Variants in ANKRD30A observed in about 807,000 individuals in gnomAD.
ANKRD30A encodes ankyrin repeat domain 30A.
ANKRD30A carries 170 observed loss-of-function variants against 166.3 expected under a neutral mutation model. That is an observed-to-expected ratio of 1.02 (90% CI 0.90 to 1.16). ANKRD30A has a LOEUF of 1.16. Among genes scored for constraint, ANKRD30A ranks in the 50% most tolerant of loss-of-function variants. The pLI is 0.00. For missense variants in ANKRD30A, 1,630 were observed against 1,518.0 expected (o/e 1.07, Z -1.23); for synonymous variants, 564 against 508.9 (o/e 1.11, Z -1.46).
chr10:37,219,267 A>G lies in ANKRD30A; in HGVS notation c.3555A>G (p.Lys1185=). ...NTMLTSKLKE[K]QDKEILEAEI... ...TGCTCACTTCTAAATTGAAGGAAAA[A>G]CAAGACAAAGAAATACTAGAGGCAG... Residue 1185 remains lysine (K), a synonymous_variant, in exon 34 of 36, where the codon AAA becomes AAG. Transcript: ENST00000361713. The G allele has an allele frequency of 1.2e-6, 2 of 1,610,618 alleles. No individual in the cohort carries two copies. The highest frequency in any genetic ancestry group is 8.5e-7 in the Non-Finnish European group (1 of 1,177,662).
chr10:37,224,058 G>A (rs1843012618), intron 34 of ANKRD30A, among the ~76,000 whole-genome samples: 1 of 151,160 alleles, frequency 6.6e-6, no homozygotes, highest in African/African-American at 2.4e-5. Context: ...CTATTTTAAT[G>A]TTTTTTCAGA....
At chr10:37,155,637 T>C (rs1838311461) in intron 13 of ANKRD30A, among the ~76,000 whole-genome samples, 1 of 152,222 alleles carries the variant, frequency 6.6e-6, no homozygotes, top group South Asian at 2.1e-4. Flanking sequence ...GCTCCTGTGA[T>C]TCCAGATCAG....
chr10:37,179,302 T>C (rs1216702728), intron 24 of ANKRD30A, among the ~76,000 whole-genome samples: 2 of 150,806 alleles, frequency 1.3e-5, no homozygotes, highest in African/African-American at 4.8e-5. Context: ...TTACTGATTT[T>C]AACGTAGAAA....
intron 6 of ANKRD30A, among the ~76,000 whole-genome samples, chr10:37,141,366 G>T (rs775258202): frequency 1.3e-5 from 2 of 152,026 alleles, no homozygotes; most frequent in Non-Finnish European, 2.9e-5. Context: ...GAGCTCAGGA[G>T]TTTGAGACCA....
downstream of ANKRD30A, chr10:37,232,697 T>TATATATAGAGAGAGAGAG (rs1273812991): frequency 1.3e-5 from 1 of 78,400 alleles, no homozygotes; most frequent in African/African-American, 4.9e-5. Context: ...TATATATAAA[T>TATATATAGAGAGAGAGAG]AGAGAGAGAG....
chr10:37,153,884 T>C (rs531562001), intron 13 of ANKRD30A, among the ~76,000 whole-genome samples: 79 of 152,210 alleles, frequency 5.2e-4, no homozygotes, highest in African/African-American at 1.9e-3. Context: ...ATTCAAGATA[T>C]TGCAAGACCT....
chr10:37,194,052 C>T (rs912855243), intron 27 of ANKRD30A, among the ~76,000 whole-genome samples: 3 of 151,974 alleles, frequency 2.0e-5, no homozygotes, highest in Admixed American at 6.6e-5. Flanking sequence ...AAAAAGTAGC[C>T]GGTTGTGGTG....
chr10:37,125,800 T>C lies in ANKRD30A; in HGVS notation c.13T>C (p.Ser5Pro). The C allele has an allele frequency of 1.4e-6, 1 of 711,702 alleles. No homozygotes were observed. The highest frequency in any genetic ancestry group is 2.4e-6 in the Non-Finnish European group (1 of 418,912). 44.1% of individuals were successfully genotyped at this position (711,702 alleles called of 1,614,324 possible). The change falls in exon 1 of 36, where the codon TCT becomes CCT. Residue 5 changes from serine to proline, a missense_variant. This residue lies in a region of ANKRD30A where 904 missense variants were observed against 818.5 expected (regional missense o/e 1.10). Coordinates refer to ENST00000361713, the MANE Select transcript of ANKRD30A (RefSeq NM_052997.3). ...GGTGGCCGCAGCCATGGAGGAGATC[T>C]CTGCCGCCGCTGTCAAGGTCGTGCC... MEEI[S>P]AAAVKVVPGP... is the part of the protein sequence containing the mutation.
In ANKRD30A at chr10:37,136,831, G is replaced by A. The variant is rs61866719; in HGVS notation, c.820+160G>A. Reference sequence around the variant, plus strand: ...TGTGTGTATGTGTGTGTGTGTGTGTGTATATATATATATATATATAGCTTT... The same window carrying A: ...TGTGTGTATGTGTGTGTGTGTGTGTATATATATATATATATATATAGCTTT... On this transcript the variant is annotated intron_variant, in intron 6 of 35. Transcript: ENST00000361713. Among the ~76,000 whole-genome samples the A allele has an allele frequency of 2.3e-3, 328 of 141,972 alleles. 3 individuals are homozygous for A. The highest frequency in any genetic ancestry group is 0.011 in the East Asian group (54 of 4,748). 93.1% of individuals were successfully genotyped at this position (141,972 alleles called of 152,430 possible).
rs11011070 is a variant in ANKRD30A at position 37,222,731 on chromosome 10, T to C, written c.4185+2834T>C. Among the ~76,000 whole-genome samples the C allele has an allele frequency of 2.6e-5, 4 of 151,554 alleles. No individual in the cohort carries two copies. The East Asian group carries it at 7.8e-4, about 30-fold the overall frequency. On this transcript the variant is annotated intron_variant, in intron 34 of 35. Transcript: ENST00000361713. ...TCATTCAGACTTGGTGGACACATTT[T>C]CCATTTTCATAAAGCTTTCTCTGAC...
At chr10:37,200,419 C>A (rs1413410575) in intron 30 of ANKRD30A, among the ~76,000 whole-genome samples, 1 of 151,988 alleles carries the variant, frequency 6.6e-6, no homozygotes, top group Non-Finnish European at 1.5e-5. Context: ...AGTCAAGCTG[C>A]AGCAGCATGA....
At chr10:37,126,155 G>A (rs562637881) in intron 1 of ANKRD30A, 147 bp downstream of exon 1, 6 of 837,044 alleles carry the variant, frequency 7.2e-6, no homozygotes, top group Admixed American at 2.6e-5. Flanking sequence ...CTGGGCCCTC[G>A]GGTCTAGGCC....
chr10:37,168,074 T>C (rs1333737765), intron 19 of ANKRD30A, among the ~76,000 whole-genome samples: 1 of 24,116 alleles, frequency 4.1e-5, no homozygotes, highest in East Asian at 7.2e-4. Context: ...TTAACACTTT[T>C]TGCAAAAATC....
Position 37,220,572 on chromosome 10 carries a change from G to A in ANKRD30A, c.4185+675G>A, listed in dbSNP as rs559303302. Among the ~76,000 whole-genome samples the A allele has an allele frequency of 3.6e-4, 54 of 151,030 alleles. 1 individual carries two copies. The South Asian group carries it at 7.3e-3, about 20-fold the overall frequency. On this transcript the variant is annotated intron_variant, in intron 34 of 35. Transcript: ENST00000361713. ...TGTGTTTTATTAAATAATACCTTAG[G>A]ACAAATGTAGTGAATTTTAGCAATA...
chr10:37,196,765 T>C (rs1424617449), intron 27 of ANKRD30A, among the ~76,000 whole-genome samples: 2 of 152,126 alleles, frequency 1.3e-5, no homozygotes, highest in East Asian at 3.9e-4. Flanking sequence ...GATTACACCC[T>C]ATGGTTATGG....
chr10:37,155,162 C>T (rs1434588140), intron 13 of ANKRD30A, among the ~76,000 whole-genome samples: 2 of 152,040 alleles, frequency 1.3e-5, no homozygotes, highest in African/African-American at 4.8e-5. Flanking sequence ...CTGATTTTAA[C>T]ATAGAAAATG....
At chr10:37,215,727 A>G (rs558630991) in intron 31 of ANKRD30A, among the ~76,000 whole-genome samples, 4 of 151,680 alleles carry the variant, frequency 2.6e-5, no homozygotes, top group African/African-American at 7.2e-5. Context: ...ATTTTAGCTA[A>G]GAAGAAAAAT....
At chr10:37,165,797 G>T (rs1192248619) in intron 18 of ANKRD30A, among the ~76,000 whole-genome samples, 1 of 152,122 alleles carries the variant, frequency 6.6e-6, no homozygotes, top group African/African-American at 2.4e-5. Flanking sequence ...AGCAGCATGA[G>T]CGTCAAATCA....
At chr10:37,183,121 A>T (rs1840145313) in intron 24 of ANKRD30A, among the ~76,000 whole-genome samples, 1 of 149,352 alleles carries the variant, frequency 6.7e-6, no homozygotes, top group African/African-American at 2.5e-5. Flanking sequence ...CTTTTACTGA[A>T]GTGGGAGTAT....
Sources: allele counts gnomAD v4.1 joint callset (sites outside exome capture counted in the v4.1 genomes callset), GRCh38; gene constraint gnomAD v4.1.1; regional missense constraint gnomAD v4.1.1; transcripts MANE v1.5; gene names NCBI Gene and HGNC (gene_info 2026-07-23, HGNC 2026-07-21).